CHRM3: variants seen among roughly 807,000 people sequenced by gnomAD.
The protein encoded by CHRM3 is muscarinic acetylcholine receptor M3.
In CHRM3, 11 loss-of-function variants were observed where a neutral mutation model predicts 41.8. That is an observed-to-expected ratio of 0.26 (90% CI 0.17 to 0.44). CHRM3 has a LOEUF of 0.44. Among genes scored for constraint, CHRM3 ranks in the 20% least tolerant of loss-of-function variants. The pLI is 1.00. For missense variants in CHRM3, 571 were observed against 745.4 expected (o/e 0.77, Z 2.72); for synonymous variants, 297 against 301.4 (o/e 0.99, Z 0.15).
At chr1:239,769,035 G>A (rs928551622) in intron 5 of CHRM3, among the ~76,000 whole-genome samples, 1 of 151,744 alleles carries the variant, frequency 6.6e-6, no homozygotes, top group Non-Finnish European at 1.5e-5. Flanking sequence ...CAAATGCTGG[G>A]TTTATAGGCA....
chr1:239,763,750 A>G (rs2148671228), intron 5 of CHRM3, among the ~76,000 whole-genome samples: 1 of 152,158 alleles, frequency 6.6e-6, no homozygotes, highest in Middle Eastern at 3.4e-3. Flanking sequence ...GGGAATATAA[A>G]AGACAAACAA....
chr1:239,394,511 TCA>T (rs771822824), intron 1 of CHRM3, among the ~76,000 whole-genome samples: 31 of 152,282 alleles, frequency 2.0e-4, no homozygotes, highest in Admixed American at 2.6e-4. Flanking sequence ...TATAAGGTAA[TCA>T]CAGAACCTGG....
At chr1:239,813,365 T>A (rs942398746) in intron 5 of CHRM3, among the ~76,000 whole-genome samples, 2 of 152,172 alleles carry the variant, frequency 1.3e-5, no homozygotes, top group African/African-American at 4.8e-5. Context: ...TATTAATGGT[T>A]CTAAGAAATA....
chr1:239,595,949 T>C (rs781436297), intron 3 of CHRM3, among the ~76,000 whole-genome samples: 16 of 152,226 alleles, frequency 1.1e-4, no homozygotes, highest in Non-Finnish European at 1.8e-4. Flanking sequence ...GCCTAAAACA[T>C]ATAATGTCTT....
At chr1:239,557,425 T>C (rs17586667) in intron 3 of CHRM3, among the ~76,000 whole-genome samples, 3,125 of 152,276 alleles carry the variant, frequency 0.021, 51 homozygotes, top group Non-Finnish European at 0.031. Context: ...CTGAGTATTT[T>C]ATTCTCTGTG....
chr1:239,678,005 A>G (rs1465876308), intron 4 of CHRM3, among the ~76,000 whole-genome samples, 181 bp from the exon 5 acceptor site: 1 of 152,248 alleles, frequency 6.6e-6, no homozygotes, highest in Non-Finnish European at 1.5e-5. Context: ...CGGGATACTA[A>G]CAGGTGTCAT....
intron 3 of CHRM3, among the ~76,000 whole-genome samples, chr1:239,561,483 G>T (rs1572714503): frequency 6.6e-6 from 1 of 152,066 alleles, no homozygotes; most frequent in Non-Finnish European, 1.5e-5. Context: ...TTCACTGGAA[G>T]TTCCATCTCC....
rs149814479 is a variant in CHRM3 at position 239,588,922 on chromosome 1, T to C, written c.-313+43173T>C. Among the ~76,000 whole-genome samples the C allele has an allele frequency of 4.3e-3, 657 of 152,210 alleles. 7 individuals carry two copies. Among genetic ancestry groups the C allele is most frequent in the African/African-American group, 0.015 (624 of 41,550 alleles). On this transcript the variant is annotated intron_variant, in intron 3 of 6. Coordinates refer to ENST00000676153, the MANE Select transcript of CHRM3 (RefSeq NM_001375978.1). The stretch of plus-strand genomic sequence containing the variant: ...TATAAGAAAGCAAAACTGTTCATCT[T>C]AGTGAGTTATGAAGCATCTTTTTTT...
At chr1:239,772,211 C>T (rs1000575108) in intron 5 of CHRM3, among the ~76,000 whole-genome samples, 36 of 152,168 alleles carry the variant, frequency 2.4e-4, no homozygotes, top group African/African-American at 7.5e-4. Context: ...AGTGCAATGG[C>T]GCAATCTCAG....
At position 239,737,179 on chromosome 1, in the gene CHRM3, C is replaced by T. The variant is rs140426242; in HGVS notation, c.-147+58891C>T. Among the ~76,000 whole-genome samples the T allele has an allele frequency of 5.9e-3, 892 of 152,160 alleles. 7 individuals carry two copies. Among genetic ancestry groups the T allele is most frequent in the African/African-American group, 0.021 (852 of 41,512 alleles). ...CCTAAATCTACTTAAAACCATTGGT[C>T]ATCAGGGCATATTTATTAGAAGAAT... is the stretch of plus-strand genomic sequence containing the variant. On this transcript the variant is annotated intron_variant, in intron 5 of 6. Transcript: ENST00000676153.
intron 2 of CHRM3, among the ~76,000 whole-genome samples, chr1:239,544,150 T>C (rs1659060535): frequency 6.6e-6 from 1 of 152,186 alleles, no homozygotes; most frequent in South Asian, 2.1e-4. Context: ...CAGAGTAAAT[T>C]GGGATCTGAC....
chr1:239,564,579 G>T (rs1558322880), intron 3 of CHRM3, among the ~76,000 whole-genome samples: 1 of 151,810 alleles, frequency 6.6e-6, no homozygotes, highest in Non-Finnish European at 1.5e-5. Flanking sequence ...ACTACCTAAG[G>T]GTTTAAAACT....
At chr1:239,776,098 C>T (rs983119534) in intron 5 of CHRM3, among the ~76,000 whole-genome samples, 3 of 152,110 alleles carry the variant, frequency 2.0e-5, no homozygotes, top group African/African-American at 7.2e-5. Flanking sequence ...GTTGTCTTCT[C>T]TGTTCAAAGG....
intron 2 of CHRM3, among the ~76,000 whole-genome samples, chr1:239,508,174 T>C (rs769374724): frequency 6.6e-6 from 1 of 152,184 alleles, no homozygotes; most frequent in Non-Finnish European, 1.5e-5. Flanking sequence ...CCAAAGTTAT[T>C]CTTCAGAGAA....
chr1:239,671,487 C>T (rs1674362212), intron 4 of CHRM3, among the ~76,000 whole-genome samples: 1 of 152,034 alleles, frequency 6.6e-6, no homozygotes, highest in Non-Finnish European at 1.5e-5. Flanking sequence ...GTTGGAGGAC[C>T]CCCTTCAGCC....
At chr1:239,783,870 C>G (rs978000707) in intron 5 of CHRM3, among the ~76,000 whole-genome samples, 1 of 152,140 alleles carries the variant, frequency 6.6e-6, no homozygotes, top group Admixed American at 6.5e-5. Flanking sequence ...CCACTCTACC[C>G]ACTGTGGTAG....
intron 2 of CHRM3, among the ~76,000 whole-genome samples, chr1:239,536,585 C>T (rs553928144): frequency 3.9e-5 from 6 of 152,178 alleles, no homozygotes; most frequent in Non-Finnish European, 7.3e-5. Flanking sequence ...TATATGATTT[C>T]TGAGTCACAA....
chr1:239,466,449 G>T (rs1257754572), intron 1 of CHRM3, among the ~76,000 whole-genome samples: 1 of 151,948 alleles, frequency 6.6e-6, no homozygotes. Flanking sequence ...TATCAATAAG[G>T]CTTCTGGTTA....
chr1:239,695,373 T>C (rs567808229), intron 5 of CHRM3, among the ~76,000 whole-genome samples: 86 of 152,332 alleles, frequency 5.6e-4, no homozygotes, highest in African/African-American at 2.0e-3. Context: ...TCTTACTATA[T>C]ACACAGTACT....
Sources: allele counts gnomAD v4.1 joint callset (sites outside exome capture counted in the v4.1 genomes callset), GRCh38; gene constraint gnomAD v4.1.1; transcripts MANE v1.5; gene names NCBI Gene and HGNC (gene_info 2026-07-23, HGNC 2026-07-21).